Variants in TNNI3K observed in about 807,000 individuals in gnomAD.
TNNI3K encodes the protein TNNI3 interacting kinase, also known as serine/threonine-protein kinase TNNI3K.
A neutral mutation model predicts 114.5 loss-of-function variants in TNNI3K; 140 were observed. The observed-to-expected ratio is 1.22, with a 90% CI of 1.07 to 1.41. The LOEUF is 1.41. Ranked by LOEUF, TNNI3K falls within the 40% of genes most tolerant of loss-of-function variation. The pLI is 0.00. For missense variants in TNNI3K, 1,125 were observed against 1,007.6 expected, an observed-to-expected ratio of 1.12 and a Z score of -1.58; for synonymous variants, 347 against 347.5, an observed-to-expected ratio of 1.00 and a Z score of 0.02.
chr1:74,447,150 A>T (rs1424718126), intron 20 of TNNI3K, among the ~76,000 whole-genome samples: 1 of 151,254 alleles, frequency 6.6e-6, no homozygotes, highest in African/African-American at 2.4e-5. Flanking sequence ...CATTTTCACG[A>T]TATTGATTCT....
intron 11 of TNNI3K, among the ~76,000 whole-genome samples, chr1:74,365,688 TC>T (rs1445824641): frequency 6.6e-6 from 1 of 152,050 alleles, no homozygotes; most frequent in Non-Finnish European, 1.5e-5. Context: ...ATTAGGTGCT[TC>T]CCCTAGAAAT....
At chr1:74,384,837 A>G (rs1431503547) in intron 17 of TNNI3K, among the ~76,000 whole-genome samples, 3 of 152,122 alleles carry the variant, frequency 2.0e-5, no homozygotes, top group African/African-American at 7.2e-5. Context: ...AGCTTCTTAA[A>G]TATAGTGATT....
intron 17 of TNNI3K, chr1:74,372,386 A>G (rs1231119021): frequency 6.6e-6 from 1 of 151,834 alleles, no homozygotes; most frequent in Non-Finnish European, 1.5e-5. Context: ...TCAGATAGAT[A>G]TGAAAGATAG....
intron 5 of TNNI3K, among the ~76,000 whole-genome samples, chr1:74,277,593 A>C (rs912651801): frequency 1.3e-5 from 2 of 152,144 alleles, no homozygotes; most frequent in Non-Finnish European, 2.9e-5. Flanking sequence ...ACACACCTCA[A>C]GTGTAAAACA....
intron 5 of TNNI3K, among the ~76,000 whole-genome samples, chr1:74,325,761 A>G (rs2100395946): frequency 6.6e-6 from 1 of 152,300 alleles, no homozygotes; most frequent in East Asian, 1.9e-4. Context: ...AGGAAGGACA[A>G]TAGTTGGAGG....
intron 5 of TNNI3K, among the ~76,000 whole-genome samples, chr1:74,314,887 A>G (rs886438965): frequency 2.0e-5 from 3 of 152,282 alleles, no homozygotes; most frequent in South Asian, 2.1e-4. Flanking sequence ...TGAGTCATTT[A>G]TATCTTATAC....
At chr1:74,500,462 G>A (rs1669558501) in intron 23 of TNNI3K, among the ~76,000 whole-genome samples, 1 of 151,314 alleles carries the variant, frequency 6.6e-6, no homozygotes, top group Non-Finnish European at 1.5e-5. Context: ...AAATTAGCCG[G>A]GCGTAGTGGC....
chr1:74,469,918 G>A (rs1364551415), intron 21 of TNNI3K: 1 of 400,634 alleles, frequency 2.5e-6, no homozygotes, highest in Non-Finnish European at 4.4e-6. Context: ...ATATTCAGCA[G>A]ATGGTGGATA....
In TNNI3K at chr1:74,367,174, C is replaced by T. The variant is rs910212873; in HGVS notation, c.1178-82C>T. 2.9e-6 allele frequency: 4 copies of T among 1,372,652 alleles called. No individual in the cohort carries two copies. In the African/African-American group the frequency reaches 5.8e-5, roughly 20 times the overall value. The allele number at this position is 1,372,652 out of a possible 1,614,324, so 85.0% of individuals were successfully genotyped here. On this transcript the variant is annotated intron_variant, in intron 11 of 24. Coordinates refer to ENST00000326637, the MANE Select transcript of TNNI3K (RefSeq NM_015978.3). ...ATTTGTCCTATGTTGTAAGCTACTT[C>T]CAATAATTTTTGGATTTGAGAGTAG...
At chr1:74,372,742 C>T (rs990090112) in intron 17 of TNNI3K, 2 of 151,760 alleles carry the variant, frequency 1.3e-5, no homozygotes, top group South Asian at 2.1e-4. Flanking sequence ...AGCTGTAACT[C>T]TTCATTTGTG....
Position 74,469,791 on chromosome 1 carries a change from C to G in TNNI3K, c.2121+6241C>G, listed in dbSNP as rs79673520. The stretch of plus-strand genomic sequence containing the variant: ...TGTTGTCCTCCAAAATGATCCACTT[C>G]TAATGCATGCAAAGGCTAGTGGGTG... On this transcript the variant is annotated intron_variant, in intron 21 of 24. Transcript: ENST00000326637. 2,918 of 398,426 alleles carry G rather than the reference C, an allele frequency of 7.3e-3. 79 individuals carry two copies. The highest frequency in any genetic ancestry group is 0.055 in the African/African-American group (2,672 of 48,760). The allele number at this position is 398,426 out of a possible 1,614,324, so 24.7% of individuals were successfully genotyped here. A position where few individuals can be genotyped will look rare whatever the true frequency, so the allele number is the denominator to read the frequency against.
At chr1:74,274,482 C>A (rs1455792992) in intron 5 of TNNI3K, among the ~76,000 whole-genome samples, 2 of 151,950 alleles carry the variant, frequency 1.3e-5, no homozygotes, top group Non-Finnish European at 2.9e-5. Context: ...TCAGCCCCTA[C>A]TTTGTCTATA....
In TNNI3K at chr1:74,369,197, A is replaced by G; in HGVS notation, c.1415-10A>G. ...ATATGTGTTTATTTATTTATTTTAA[A>G]CAATTGTAGGTTCTTTTGGGAAAGT... is the stretch of plus-strand genomic sequence containing the variant. On this transcript the variant is annotated splice_polypyrimidine_tract_variant and intron_variant, in intron 14 of 24. Coordinates refer to ENST00000326637, the MANE Select transcript of TNNI3K (RefSeq NM_015978.3). 1 of 1,607,236 alleles carries G rather than the reference A, an allele frequency of 6.2e-7. No individual in the cohort carries two copies. Among genetic ancestry groups the G allele is most frequent in the East Asian group, 2.2e-5 (1 of 44,760 alleles).
chr1:74,439,936 G>A (rs1434333296), intron 20 of TNNI3K, among the ~76,000 whole-genome samples: 2 of 152,038 alleles, frequency 1.3e-5, no homozygotes, highest in Non-Finnish European at 2.9e-5. Context: ...GGTGGACAAT[G>A]TGATATTTAT....
intron 17 of TNNI3K, among the ~76,000 whole-genome samples, chr1:74,388,610 T>C (rs1663608954): frequency 6.6e-6 from 1 of 152,174 alleles, no homozygotes; most frequent in Non-Finnish European, 1.5e-5. Flanking sequence ...CAGAAATAAT[T>C]TGTGGGTTGA....
intron 17 of TNNI3K, among the ~76,000 whole-genome samples, chr1:74,390,292 A>T (rs1663695946): frequency 6.6e-6 from 1 of 152,150 alleles, no homozygotes; most frequent in African/African-American, 2.4e-5. Context: ...GGATCCTGAA[A>T]ATTAATTAGA....
At chr1:74,269,612 C>T (rs143528885) in intron 4 of TNNI3K, among the ~76,000 whole-genome samples, 1 of 151,832 alleles carries the variant, frequency 6.6e-6, no homozygotes, top group East Asian at 1.9e-4. Flanking sequence ...TGAAACTGAG[C>T]TGAAGGGACT....
chr1:74,535,042 G>C (rs3843261), intron 23 of TNNI3K, among the ~76,000 whole-genome samples: 76,415 of 151,678 alleles, frequency 0.5, 20,218 homozygotes, highest in East Asian at 0.72. Context: ...GTAAAAATCA[G>C]GCATTCAGCC....
Position 74,544,109 on chromosome 1 carries a change from T to C in TNNI3K, c.*127T>C, listed in dbSNP as rs1646760218. 5.0e-6 allele frequency: 5 copies of C among 1,002,470 alleles called. No individual in the cohort carries two copies. The highest frequency in any genetic ancestry group is 7.1e-6 in the Non-Finnish European group (5 of 707,362). The allele number at this position is 1,002,470 out of a possible 1,614,324, so 62.1% of individuals were successfully genotyped here. A position where few individuals can be genotyped will look rare whatever the true frequency, so the allele number is the denominator to read the frequency against. ...GGTCTCCTTAAATTGGGCTTGTTTT[T>C]ACTTGTCCTATTTAATTCCCCACTA... On this transcript the variant is annotated 3_prime_UTR_variant, in exon 25 of 25. Coordinates refer to ENST00000326637, the MANE Select transcript of TNNI3K (RefSeq NM_015978.3).
Sources: allele counts gnomAD v4.1 joint callset (sites outside exome capture counted in the v4.1 genomes callset), GRCh38; gene constraint gnomAD v4.1.1; transcripts MANE v1.5; gene names NCBI Gene and HGNC (gene_info 2026-07-23, HGNC 2026-07-21).